ATP11A: variants seen among roughly 807,000 people sequenced by gnomAD.
ATP11A encodes the protein phospholipid-transporting ATPase IH.
In ATP11A, 81 loss-of-function variants were observed where a neutral mutation model predicts 154.4. The observed-to-expected ratio is 0.52, with a 90% CI of 0.44 to 0.63. The LOEUF is 0.63. Ranked by LOEUF, ATP11A falls within the 30% of genes least tolerant of loss-of-function variation. The pLI, the probability that ATP11A is intolerant of heterozygous loss-of-function variation, is 0.00. For synonymous variants in ATP11A, 623 were observed against 585.9 expected, an observed-to-expected ratio of 1.06 and a Z score of -0.91; for missense variants, 1,316 against 1,474.3, an observed-to-expected ratio of 0.89 and a Z score of 1.76.
intron 6 of ATP11A, among the ~76,000 whole-genome samples, chr13:112,818,093 G>A (rs2078691713): frequency 1.3e-5 from 2 of 152,176 alleles, no homozygotes; most frequent in Admixed American, 1.3e-4. Flanking sequence ...GGCAGTGACT[G>A]TTGGTGTGCT....
At chr13:112,770,534 G>A (rs916964148) in intron 1 of ATP11A, among the ~76,000 whole-genome samples, 1 of 152,254 alleles carries the variant, frequency 6.6e-6, no homozygotes, top group Admixed American at 6.5e-5. Flanking sequence ...ACAGAGGGAT[G>A]GGCGTGCCCA....
chr13:112,742,015 G>T (rs1000696735), intron 1 of ATP11A, among the ~76,000 whole-genome samples: 3 of 151,220 alleles, frequency 2.0e-5, no homozygotes, highest in Non-Finnish European at 4.4e-5. Context: ...CCTCCCCACA[G>T]AAGAGTGCTC....
intron 20 of ATP11A, 197 bp downstream of exon 20, chr13:112,856,282 T>C (rs1053004451): frequency 1.3e-5 from 7 of 541,604 alleles, no homozygotes; most frequent in South Asian, 1.2e-4. Flanking sequence ...TAGTGGGTGA[T>C]GACCAGTCAG....
At position 112,882,927 on chromosome 13, in the gene ATP11A, G is replaced by C; in HGVS notation, c.*1061G>C. On this transcript the variant is annotated 3_prime_UTR_variant, in exon 30 of 30. Coordinates refer to ENST00000375645, the MANE Select transcript of ATP11A (RefSeq NM_015205.3). This position sits in a 1 kb window ranked among gnomAD's most constrained non-coding sequence, Gnocchi z 5.1. ...GGGGGTGGCACACAGGACACGGGTG[G>C]ATCCCAACAGGCAGCACCGCACCTC... 1 of 399,014 alleles carries C rather than the reference G, an allele frequency of 2.5e-6. No homozygotes were observed. The highest frequency in any genetic ancestry group is 4.4e-6 in the Non-Finnish European group (1 of 226,420). The allele number at this position is 399,014 out of a possible 1,614,324, so 24.7% of individuals were successfully genotyped here. A position where few individuals can be genotyped will look rare whatever the true frequency, so the allele number is the denominator to read the frequency against.
chr13:112,739,665 A>G (rs1055143993), intron 1 of ATP11A, among the ~76,000 whole-genome samples: 1 of 152,236 alleles, frequency 6.6e-6, no homozygotes, highest in Admixed American at 6.5e-5. Flanking sequence ...GGAAACTTTC[A>G]CACAGATGTT....
intron 1 of ATP11A, among the ~76,000 whole-genome samples, chr13:112,710,304 A>C (rs1644944385): frequency 6.6e-6 from 1 of 152,184 alleles, no homozygotes; most frequent in African/African-American, 2.4e-5. Context: ...ATGCCTCCTA[A>C]TGTAAACTCA....
At position 112,855,987 on chromosome 13, in the gene ATP11A, G is replaced by T; in HGVS notation, c.2320G>T (p.Asp774Tyr). ...GTCTCTGATAATGAAGCCTCGAGAAGACGGGAGTTCCGGCAACTACAGGGA... is the reference window on the plus strand; with the variant it reads ...GTCTCTGATAATGAAGCCTCGAGAATACGGGAGTTCCGGCAACTACAGGGA... ...ALSLIMKPRE[D>Y]GSSGNYRELF... Residue 774 changes from aspartate (D) to tyrosine (Y), a missense_variant, in exon 20 of 30, where the codon GAC becomes TAC. By Grantham distance (160) the Asp-to-Tyr change is radical. Coordinates refer to ENST00000375645, the MANE Select transcript of ATP11A (RefSeq NM_015205.3). The T allele has an allele frequency of 6.2e-7, 1 of 1,614,210 alleles. No individual in the cohort carries two copies. Among genetic ancestry groups the T allele is most frequent in the African/African-American group, 1.3e-5 (1 of 75,058 alleles).
At chr13:112,870,798 A>G (rs1008102313) in intron 25 of ATP11A, among the ~76,000 whole-genome samples, 1 of 152,228 alleles carries the variant, frequency 6.6e-6, no homozygotes, top group East Asian at 1.9e-4. Flanking sequence ...TTCTCCCGAA[A>G]CAAGTTTCCA....
chr13:112,693,609 G>T (rs1253697955), intron 1 of ATP11A, among the ~76,000 whole-genome samples: 1 of 152,074 alleles, frequency 6.6e-6, no homozygotes, highest in Admixed American at 6.6e-5. Flanking sequence ...GAGCCATGGG[G>T]TAGTGCATGT....
chr13:112,875,702 C>A lies in ATP11A; in HGVS notation c.3162-74C>A. On this transcript the variant is annotated intron_variant, in intron 27 of 29. Transcript: ENST00000375645. This position sits in a 1 kb window ranked among gnomAD's most constrained non-coding sequence, Gnocchi z 4.1. Reference sequence around the variant, plus strand: ...AAGTGTAAACTCCCTGAACAGACGGCCTCTCCAGTGAGTAGAGAGGCCAGC... The same window carrying A: ...AAGTGTAAACTCCCTGAACAGACGGACTCTCCAGTGAGTAGAGAGGCCAGC... 2 of 1,507,664 alleles carry A rather than the reference C, an allele frequency of 1.3e-6. No homozygotes were observed. The highest frequency in any genetic ancestry group is 1.8e-6 in the Non-Finnish European group (2 of 1,105,852). The allele number at this position is 1,507,664 out of a possible 1,614,324, so 93.4% of individuals were successfully genotyped here.
chr13:112,718,288 G>A (rs989614234), intron 1 of ATP11A, among the ~76,000 whole-genome samples: 10 of 152,140 alleles, frequency 6.6e-5, no homozygotes, highest in African/African-American at 2.2e-4. Context: ...TTTTTTTGAC[G>A]CTTTAACAAT....
intron 17 of ATP11A, 32 bp downstream of exon 17, chr13:112,842,411 G>A (rs371723813): frequency 2.0e-5 from 29 of 1,480,654 alleles, no homozygotes; most frequent in Admixed American, 7.5e-5. Context: ...GCCTCGTGGC[G>A]GTCAGCTCCC....
intron 2 of ATP11A, among the ~76,000 whole-genome samples, chr13:112,800,229 C>T (rs1490213730): frequency 6.9e-6 from 1 of 144,656 alleles, no homozygotes; most frequent in African/African-American, 2.6e-5. Context: ...AAAAAAAAAT[C>T]AATAAAATCA....
In ATP11A at chr13:112,858,190, A is replaced by C. The variant is rs752774629; in HGVS notation, c.2567A>C (p.Tyr856Ser). The change falls in exon 22 of 30, where the codon TAT (tyrosine) becomes TCT (serine). Residue 856 changes from tyrosine to serine, a missense_variant. By Grantham distance (144) the Tyr-to-Ser change is moderately radical. This residue lies in a region of ATP11A where 876 missense variants were observed against 1,006.8 expected (regional missense o/e 0.87). Coordinates refer to ENST00000375645, the MANE Select transcript of ATP11A (RefSeq NM_015205.3). The stretch of plus-strand genomic sequence containing the variant: ...CGCCAGGCTGCCAGGAACAGCGACT[A>C]TGCAATCCCAAAGTTTAAGCATTTG... ...EGRQAARNSD[Y>S]AIPKFKHLKK... 2 of 1,613,922 alleles carry C rather than the reference A, an allele frequency of 1.2e-6. No individual in the cohort carries two copies. The highest frequency in any genetic ancestry group is 2.2e-5 in the East Asian group (1 of 44,900).
chr13:112,819,559 C>T, intron 7 of ATP11A, 152 bp downstream of exon 7: 1 of 671,274 alleles, frequency 1.5e-6, no homozygotes, highest in South Asian at 1.9e-5. Flanking sequence ...AAATACATTA[C>T]TTATTTATTC....
Position 112,819,329 on chromosome 13 carries a change from A to G in ATP11A, c.596A>G (p.Lys199Arg), listed in dbSNP as rs779569606. Residue 199 changes from lysine to arginine, a missense_variant, in exon 7 of 30, where the codon AAA becomes AGA. This residue lies in a region of ATP11A where 876 missense variants were observed against 1,006.8 expected (regional missense o/e 0.87). Coordinates refer to ENST00000375645, the MANE Select transcript of ATP11A (RefSeq NM_015205.3). ...ACGCATTACGCGGTCCAGGACACCA[A>G]AGGCTTCCACACAGAGGAGGATATC... The part of the protein sequence containing the change: ...HKTHYAVQDT[K>R]GFHTEEDIGG... The G allele has an allele frequency of 6.2e-7, 1 of 1,614,092 alleles. No individual in the cohort carries two copies. Among genetic ancestry groups the G allele is most frequent in the African/African-American group, 1.3e-5 (1 of 74,936 alleles).
rs982074996 is a variant in ATP11A, at chr13:112,875,298, C to T, written c.3162-478C>T. On this transcript the variant is annotated intron_variant, in intron 27 of 29. Transcript: ENST00000375645. This position sits in a 1 kb window ranked among gnomAD's most constrained non-coding sequence, Gnocchi z 4.1. ...TGGACCTGTGGGCTCGGGCTGGCTG[C>T]GGGTCACTGGTCCCTGCATCCTTGC... 3.3e-5 allele frequency among the ~76,000 whole-genome samples: 5 copies of T among 152,144 alleles called. No individual in the cohort carries two copies. The highest frequency in any genetic ancestry group is 1.2e-4 in the African/African-American group (5 of 41,426).
At chr13:112,700,635 G>A (rs1886408214) in intron 1 of ATP11A, among the ~76,000 whole-genome samples, 1 of 152,248 alleles carries the variant, frequency 6.6e-6, no homozygotes, top group African/African-American at 2.4e-5. Context: ...GCCCAGTTCA[G>A]CCCCAGGTTG....
intron 1 of ATP11A, among the ~76,000 whole-genome samples, chr13:112,756,054 CAG>C (rs1162297511): frequency 6.6e-6 from 1 of 152,222 alleles, no homozygotes; most frequent in African/African-American, 2.4e-5. Context: ...AAGCGTCACT[CAG>C]AGCAGATTCT....
Sources: gnomAD v4.1 joint callset for allele counts (sites outside exome capture counted in the v4.1 genomes callset) on GRCh38, gnomAD v4.1.1 for gene constraint, gnomAD v4.1.1 regional missense constraint, Gnocchi (gnomAD v3.1) non-coding constraint, MANE v1.5 for transcripts, NCBI Gene and HGNC (gene_info 2026-07-23, HGNC 2026-07-21) for gene names.